The following PCP2 variants were observed in gnomAD, a reference collection of about 807,000 sequenced individuals.
PCP2 encodes the protein Purkinje cell protein 2, also known as Purkinje cell protein 2 homolog.
PCP2 carries 21 observed loss-of-function variants against 18.3 expected under a neutral mutation model. The ratio of observed to expected loss-of-function variants is 1.14; its 90% CI spans 0.81 to 1.65. The LOEUF is 1.65. Ranked by LOEUF, PCP2 falls within the 40% of genes most tolerant of loss-of-function variation. The pLI is 0.00. For synonymous variants in PCP2, 85 were observed against 77.6 expected (o/e 1.10, Z -0.50); for missense variants, 202 against 201.8 (o/e 1.00, Z 0.00).
chr19:7,633,647 G>C lies in PCP2; in HGVS notation c.-190C>G. 1 of 622,372 alleles carries C rather than the reference G, an allele frequency of 1.6e-6. No homozygotes were observed. Among genetic ancestry groups the C allele is most frequent in the Middle Eastern group, 4.4e-4 (1 of 2,292 alleles). 38.6% of individuals were successfully genotyped at this position (622,372 alleles called of 1,614,324 possible). On this transcript the variant is annotated 5_prime_UTR_variant, in exon 1 of 4. Transcript: ENST00000311069. ...CAGATAATTGTTTGCCCACAACGAT[G>C]CTGGATCTGGCATGGTGGGTAGGGG...
At chr19:7,633,728 G>A, upstream of PCP2, 1 of 513,120 alleles carries the variant, frequency 1.9e-6, no homozygotes, top group Non-Finnish European at 3.5e-6. Context: ...CTGGACCCCA[G>A]GGACTCTCAG....
chr19:7,632,182 A>G lies in PCP2; in HGVS notation c.291+211T>C. On this transcript the variant is annotated intron_variant, in intron 3 of 3. Coordinates refer to ENST00000311069, the MANE Select transcript of PCP2 (RefSeq NM_174895.3). The surrounding 1 kb of genome is among the most constrained non-coding windows in gnomAD (Gnocchi z 5.2). ...TTCAGACTTGGGGGCAGGAGCCACA[A>G]GTTCCAGCCATGGGTCTTACACTAG... 1 of 755,640 alleles carries G rather than the reference A, an allele frequency of 1.3e-6. No homozygotes were observed. Among genetic ancestry groups the G allele is most frequent in the South Asian group, 2.0e-5 (1 of 50,774 alleles). The allele number at this position is 755,640 out of a possible 1,614,324, so 46.8% of individuals were successfully genotyped here.
Position 7,631,729 on chromosome 19 carries a change from C to G in PCP2, c.371G>C (p.Arg124Pro), listed in dbSNP as rs143514093. The change falls in exon 4 of 4, where the codon CGT becomes CCT. Residue 124 changes from arginine (R) to proline (P), a missense_variant. By Grantham distance (103) the Arg-to-Pro change is moderately radical (BLOSUM62 -2). Transcript: ENST00000311069. ...CGGGGGCTGGGGGCTGCTGTTCCGA[C>G]GGAAGCCGAGAGCGGTCGGGTCCTG... is the stretch of plus-strand genomic sequence containing the variant. ...TPQDPTALGF[R>P]RNSSPQPPTQ... The G allele has an allele frequency of 1.4e-6, 2 of 1,440,400 alleles. No individual in the cohort carries two copies. The highest frequency in any genetic ancestry group is 1.8e-6 in the Non-Finnish European group (2 of 1,094,272). The allele number at this position is 1,440,400 out of a possible 1,614,324, so 89.2% of individuals were successfully genotyped here.
rs774145677 is a variant in PCP2 at position 7,632,485 on chromosome 19, TGA to T, written c.197_198del (p.Leu66HisfsTer14). The T allele has an allele frequency of 6.2e-7, 1 of 1,613,754 alleles. No homozygotes were observed. Among genetic ancestry groups the T allele is most frequent in the Middle Eastern group, 1.6e-4 (1 of 6,062 alleles). The stretch of plus-strand genomic sequence containing the variant: ...CCCTGGGTACTGGCCAGCATGTCCA[TGA>T]GGCTGTCCATCTCGGGGGTGGGGTC... The part of the protein sequence containing the change: ...QSDPTPEMDS[L>X]MDMLASTQGR... On this transcript the variant is annotated frameshift_variant, in exon 3 of 4. Coordinates refer to ENST00000311069, the MANE Select transcript of PCP2 (RefSeq NM_174895.3). LOFTEE classifies it high-confidence loss of function. This position sits in a 1 kb window ranked among gnomAD's most constrained non-coding sequence, Gnocchi z 5.2.
chr19:7,632,430 A>C lies in PCP2; in HGVS notation c.254T>G (p.Val85Gly). 1 of 1,613,668 alleles carries C rather than the reference A, an allele frequency of 6.2e-7. No homozygotes were observed. ...GGGCTGGAAGCCGGGCAGGCTGCTGACTGTCACACGTTGGTCATCCATGCG... is the reference window on the plus strand; with the variant it reads ...GGGCTGGAAGCCGGGCAGGCTGCTGCCTGTCACACGTTGGTCATCCATGCG... ...GRRMDDQRVTVSSLPGFQPVG... is the reference protein window; with the variant it reads ...GRRMDDQRVTGSSLPGFQPVG... Residue 85 changes from valine (V) to glycine (G), a missense_variant, in exon 3 of 4, where the codon GTC (valine) becomes GGC (glycine). Transcript: ENST00000311069. This position sits in a 1 kb window ranked among gnomAD's most constrained non-coding sequence, Gnocchi z 5.2.
chr19:7,634,297 C>T (rs1007029323), upstream of PCP2, among the ~76,000 whole-genome samples: 1 of 152,168 alleles, frequency 6.6e-6, no homozygotes, highest in Admixed American at 6.5e-5. Flanking sequence ...TCCCCATCCC[C>T]TTCCCTTCCC....
chr19:7,633,820 G>A (rs552028258), upstream of PCP2: 1 of 242,412 alleles, frequency 4.1e-6, no homozygotes, highest in East Asian at 8.1e-5. Flanking sequence ...GCTGGCTTAG[G>A]GAGGACTTGC....
At position 7,632,465 on chromosome 19, in the gene PCP2, G is replaced by A. The variant is rs1255374924; in HGVS notation, c.219C>T (p.Thr73=). The A allele has an allele frequency of 6.2e-7, 1 of 1,613,878 alleles. No homozygotes were observed. Among genetic ancestry groups the A allele is most frequent in the Admixed American group, 1.7e-5 (1 of 60,014 alleles). ...GTTGGTCATCCATGCGGCGGCCCTG[G>A]GTACTGGCCAGCATGTCCATGAGGC... ...MDSLMDMLAS[T]QGRRMDDQRV... Residue 73 remains threonine (T), a synonymous_variant, in exon 3 of 4, where the codon ACC becomes ACT. Coordinates refer to ENST00000311069, the MANE Select transcript of PCP2 (RefSeq NM_174895.3). The surrounding 1 kb of genome is among the most constrained non-coding windows in gnomAD (Gnocchi z 5.2).
At chr19:7,633,310 GACTC>G in intron 1 of PCP2, 93 bp downstream of exon 1, 4 of 1,232,748 alleles carry the variant, frequency 3.2e-6, no homozygotes, top group Non-Finnish European at 4.6e-6. Context: ...GGTCCTAGGA[GACTC>G]ACTCGTTAAT....
upstream of PCP2, among the ~76,000 whole-genome samples, chr19:7,634,217 C>A (rs3745362): frequency 3.0e-4 from 46 of 152,188 alleles, no homozygotes; most frequent in African/African-American, 1.1e-3. Context: ...GGGGAGAGGA[C>A]GTCCCTGCCT....
chr19:7,634,833 G>C (rs1436089525), upstream of PCP2, among the ~76,000 whole-genome samples: 1 of 152,124 alleles, frequency 6.6e-6, no homozygotes, highest in African/African-American at 2.4e-5. Context: ...GATGTCCTTG[G>C]CTTGTCACTG....
At chr19:7,635,530 TAAC>T (rs1206405918), upstream of PCP2, among the ~76,000 whole-genome samples, 7 of 151,828 alleles carry the variant, frequency 4.6e-5, no homozygotes, top group East Asian at 7.7e-4. Context: ...TCCTGTCTCT[TAAC>T]AACAACAACA....
At position 7,632,943 on chromosome 19, in the gene PCP2, C is replaced by T. The variant is rs1052083470; in HGVS notation, c.52-113G>A. 1 of 1,484,000 alleles carries T rather than the reference C, an allele frequency of 6.7e-7. No homozygotes were observed. The highest frequency in any genetic ancestry group is 1.4e-5 in the African/African-American group (1 of 71,824). 91.9% of individuals were successfully genotyped at this position (1,484,000 alleles called of 1,614,324 possible). A position where few individuals can be genotyped will look rare whatever the true frequency, so the allele number is the denominator to read the frequency against. ...CCGGGGCCTGCCGTCCCCACTTCCT[C>T]AGCTCTCACCATGGTCCCCGCCGAT... On this transcript the variant is annotated intron_variant, in intron 1 of 3. Transcript: ENST00000311069. The surrounding 1 kb of genome is among the most constrained non-coding windows in gnomAD (Gnocchi z 5.2).
At chr19:7,633,753 A>C, upstream of PCP2, 2 of 460,856 alleles carry the variant, frequency 4.3e-6, no homozygotes, top group Non-Finnish European at 7.8e-6. Flanking sequence ...GATGTCACAA[A>C]AGGCCTGAGC....
Position 7,632,849 on chromosome 19 carries a change from A to G in PCP2, c.52-19T>C. The stretch of plus-strand genomic sequence containing the variant: ...AGCCCGCCTGGGGACAGACTCGCTC[A>G]GTCTGGTTGGCCCTTCAGCTTGGGG... On this transcript the variant is annotated intron_variant, in intron 1 of 3. Coordinates refer to ENST00000311069, the MANE Select transcript of PCP2 (RefSeq NM_174895.3). The surrounding 1 kb of genome is among the most constrained non-coding windows in gnomAD (Gnocchi z 5.2). 6.5e-7 allele frequency: 1 copy of G among 1,543,216 alleles called. No individual in the cohort carries two copies. The highest frequency in any genetic ancestry group is 1.2e-5 in the South Asian group (1 of 84,114).
upstream of PCP2, chr19:7,636,325 G>A (rs1284002917): frequency 6.6e-6 from 1 of 152,194 alleles, no homozygotes; most frequent in Non-Finnish European, 1.5e-5. Flanking sequence ...TGCCTTCCAA[G>A]CGACAGGACA....
At chr19:7,633,068 G>A (rs558136531) in intron 1 of PCP2, 12 of 1,337,366 alleles carry the variant, frequency 9.0e-6, no homozygotes, top group Admixed American at 8.7e-5. Flanking sequence ...ACGTGGTACC[G>A]CTTCAAGGGA....
Position 7,632,882 on chromosome 19 carries a change from C to A in PCP2, c.52-52G>T. ...TGGCCCTTCAGCTTGGGGGCCCCTC[C>A]CCAAACTTCCTAGCCAGCTTGCTCA... On this transcript the variant is annotated intron_variant, in intron 1 of 3. Transcript: ENST00000311069. This position sits in a 1 kb window ranked among gnomAD's most constrained non-coding sequence, Gnocchi z 5.2. 1 of 1,532,576 alleles carries A rather than the reference C, an allele frequency of 6.5e-7. No individual in the cohort carries two copies. The allele number at this position is 1,532,576 out of a possible 1,614,324, so 94.9% of individuals were successfully genotyped here.
At chr19:7,633,070 T>C (rs35020672) in intron 1 of PCP2, 453,632 of 1,324,902 alleles carry the variant, frequency 0.34, 80,229 homozygotes, top group Non-Finnish European at 0.37. Context: ...GTGGTACCGC[T>C]TCAAGGGACA....
Sources: allele counts gnomAD v4.1 joint callset (sites outside exome capture counted in the v4.1 genomes callset), GRCh38; gene constraint gnomAD v4.1.1; non-coding constraint Gnocchi (gnomAD v3.1); transcripts MANE v1.5; gene names NCBI Gene and HGNC (gene_info 2026-07-23, HGNC 2026-07-21).